Variants in NVL observed in about 807,000 individuals in gnomAD.
The protein encoded by NVL is nuclear VCP like.
A neutral mutation model predicts 110.2 loss-of-function variants in NVL; 84 were observed. The ratio of observed to expected loss-of-function variants is 0.76; its 90% CI spans 0.64 to 0.91. The LOEUF (loss-of-function observed/expected upper bound fraction) is 0.91. Among genes scored for constraint, NVL ranks in the 40% least tolerant of loss-of-function variants. NVL has a pLI of 0.00. For synonymous variants in NVL, 354 were observed against 361.1 expected (o/e 0.98, Z 0.22); for missense variants, 882 against 1,035.9 (o/e 0.85, Z 2.04).
intron 6 of NVL, among the ~76,000 whole-genome samples, chr1:224,306,330 G>A (rs1248458190): frequency 1.3e-5 from 2 of 152,010 alleles, no homozygotes; most frequent in Non-Finnish European, 2.9e-5. Context: ...GCAGTGGCAC[G>A]ATCTCAGCGC....
At chr1:224,239,869 A>G (rs1053134023) in intron 19 of NVL, among the ~76,000 whole-genome samples, 4 of 152,126 alleles carry the variant, frequency 2.6e-5, no homozygotes, top group Admixed American at 6.6e-5. Context: ...GACATTGTGC[A>G]TCGCATCTTA....
At chr1:224,328,385 T>C (rs1339716713) in intron 1 of NVL, among the ~76,000 whole-genome samples, 4 of 150,536 alleles carry the variant, frequency 2.7e-5, no homozygotes, top group East Asian at 3.9e-4. Flanking sequence ...CCAGGCGTGA[T>C]GGCATGCACT....
At chr1:224,229,683 C>T (rs1416242724) in intron 22 of NVL, among the ~76,000 whole-genome samples, 1 of 152,022 alleles carries the variant, frequency 6.6e-6, no homozygotes, top group Non-Finnish European at 1.5e-5. Flanking sequence ...CTCCTGACTT[C>T]GTGATCTGCC....
rs1203428885 is a variant in NVL at position 224,308,024 on chromosome 1, T to C, written c.582A>G (p.Lys194=). Reference sequence around the variant, plus strand: ...CAGTTATTGGCTTCTTAGGATTACTTTTCTCACATGACAGGTCCAAGAAAA... The same window carrying C: ...CAGTTATTGGCTTCTTAGGATTACTCTTCTCACATGACAGGTCCAAGAAAA... ...DSFFLDLSCE[K]SNPKKPITEI... Residue 194 remains lysine (K), a synonymous_variant, in exon 6 of 23, where the codon AAA becomes AAG. Transcript: ENST00000281701. 1 of 1,552,942 alleles carries C rather than the reference T, an allele frequency of 6.4e-7. No homozygotes were observed. Among genetic ancestry groups the C allele is most frequent in the Non-Finnish European group, 8.7e-7 (1 of 1,153,192 alleles).
Position 224,296,544 on chromosome 1 carries a change from A to G in NVL, c.1137T>C (p.Asp379=), listed in dbSNP as rs762514421. Reference sequence around the variant, plus strand: ...GTTGGGCTACAATTCTTCGTTCCATATCTTTTGAAGCCACTTCTCTTTTGG... The same window carrying G: ...GTTGGGCTACAATTCTTCGTTCCATGTCTTTTGAAGCCACTTCTCTTTTGG... ...ITPKREVASK[D]MERRIVAQLL... is the part of the protein sequence containing the mutation. The change falls in exon 11 of 23, where the codon GAT becomes GAC. Residue 379 remains aspartate, a synonymous_variant. Transcript: ENST00000281701. The G allele has an allele frequency of 1.2e-6, 2 of 1,609,436 alleles. No individual in the cohort carries two copies. The highest frequency in any genetic ancestry group is 2.2e-5 in the South Asian group (2 of 90,142).
chr1:224,307,126 T>G (rs1211298283), intron 6 of NVL, among the ~76,000 whole-genome samples: 1 of 152,214 alleles, frequency 6.6e-6, no homozygotes, highest in Non-Finnish European at 1.5e-5. Flanking sequence ...TAAAATATTA[T>G]TAATGAGATG....
At chr1:224,280,207 T>C (rs956026123) in intron 16 of NVL, among the ~76,000 whole-genome samples, 1 of 148,908 alleles carries the variant, frequency 6.7e-6, no homozygotes, top group Non-Finnish European at 1.5e-5. Flanking sequence ...GGGTGATAGA[T>C]ACATAGGGGT....
At chr1:224,262,511 C>T (rs1018532359) in intron 18 of NVL, among the ~76,000 whole-genome samples, 3 of 151,746 alleles carry the variant, frequency 2.0e-5, no homozygotes, top group African/African-American at 7.3e-5. Context: ...AAAGTACACA[C>T]AAAAAACCCA....
chr1:224,302,466 G>T (rs183661177), intron 9 of NVL, among the ~76,000 whole-genome samples: 1 of 152,112 alleles, frequency 6.6e-6, no homozygotes, highest in South Asian at 2.1e-4. Context: ...CTCCCAAAGT[G>T]CTGGGATTAC....
intron 13 of NVL, chr1:224,289,147 C>A: frequency 4.5e-6 from 1 of 224,510 alleles, no homozygotes; most frequent in Non-Finnish European, 8.8e-6. Flanking sequence ...AGAACGAAAG[C>A]AGAAACAGAC....
intron 15 of NVL, among the ~76,000 whole-genome samples, chr1:224,282,125 A>T (rs1423668386): frequency 3.4e-5 from 5 of 146,718 alleles, no homozygotes; most frequent in Admixed American, 6.9e-5. Context: ...CAGTGCAGTG[A>T]TGAGATCACC....
chr1:224,235,983 C>A (rs1660428056), intron 20 of NVL, among the ~76,000 whole-genome samples: 1 of 151,782 alleles, frequency 6.6e-6, no homozygotes, highest in Non-Finnish European at 1.5e-5. Flanking sequence ...GGGGCATTGT[C>A]TCTGTTAGTT....
chr1:224,249,965 G>A (rs1662278638), intron 19 of NVL, among the ~76,000 whole-genome samples: 1 of 152,110 alleles, frequency 6.6e-6, no homozygotes, highest in Admixed American at 6.6e-5. Flanking sequence ...AAACTCCTGG[G>A]TTCACCTCGC....
intron 6 of NVL, 47 bp from the exon 7 acceptor site, chr1:224,305,213 C>T: frequency 6.4e-7 from 1 of 1,556,184 alleles, no homozygotes; most frequent in East Asian, 2.2e-5. Context: ...AATTCTATGC[C>T]AATAATTGTT....
chr1:224,252,991 T>C (rs1558257878), intron 18 of NVL, among the ~76,000 whole-genome samples: 2 of 152,244 alleles, frequency 1.3e-5, no homozygotes, highest in African/African-American at 4.8e-5. Flanking sequence ...CATAATCATT[T>C]TGGGTTTCAC....
At chr1:224,325,913 A>G (rs1313456531) in intron 2 of NVL, among the ~76,000 whole-genome samples, 4 of 152,110 alleles carry the variant, frequency 2.6e-5, no homozygotes, top group Admixed American at 2.0e-4. Flanking sequence ...CAGCCTCCCA[A>G]GTAGGTGGGA....
Position 224,233,236 on chromosome 1 carries a change from T to A in NVL, c.2420A>T (p.Gln807Leu). Residue 807 changes from glutamine (Q) to leucine (L), a missense_variant, in exon 21 of 23, where the codon CAG becomes CTG. Gln to Leu is a moderately radical substitution (Grantham distance 113). Transcript: ENST00000281701. ...TCCACTCTTCTGTCTTGCCATTTCC[T>A]GTCTCAGGGCACAGATAGAAGCTTC... ...VREASICALR[Q>L]EMARQKSGNE... 1 of 1,613,358 alleles carries A rather than the reference T, an allele frequency of 6.2e-7. No individual in the cohort carries two copies. Among genetic ancestry groups the A allele is most frequent in the Non-Finnish European group, 8.5e-7 (1 of 1,179,814 alleles).
At position 224,289,655 on chromosome 1, in the gene NVL, G is replaced by A. The variant is rs763997403; in HGVS notation, c.1404C>T (p.Gly468=). ...DFCHLAHLTP[G]FVGADLMALC... Reference sequence around the variant, plus strand: ...GTGCCATGAGATCAGCACCAACAAAGCCTGGAGTTAGGTGTGCTAAGTGAC... The same window carrying A: ...GTGCCATGAGATCAGCACCAACAAAACCTGGAGTTAGGTGTGCTAAGTGAC... The change falls in exon 13 of 23, where the codon GGC becomes GGT. Residue 468 remains glycine (G), a synonymous_variant. Transcript: ENST00000281701. 7 of 1,614,252 alleles carry A rather than the reference G, an allele frequency of 4.3e-6. No individual in the cohort carries two copies. In the South Asian group the frequency reaches 5.5e-5, roughly 13 times the overall value.
chr1:224,275,239 T>C, intron 17 of NVL, 100 bp downstream of exon 17: 15 of 1,369,314 alleles, frequency 1.1e-5, no homozygotes, highest in African/African-American at 1.4e-5. Flanking sequence ...AGAGTCTCAA[T>C]GCTCCCAAGG....
Sources: gnomAD v4.1 joint callset for allele counts (sites outside exome capture counted in the v4.1 genomes callset) on GRCh38, gnomAD v4.1.1 for gene constraint, MANE v1.5 for transcripts, NCBI Gene and HGNC (gene_info 2026-07-23, HGNC 2026-07-21) for gene names.